The following DDX10 variants were observed in gnomAD, a reference collection of about 807,000 sequenced individuals.
DDX10 encodes the protein probable ATP-dependent RNA helicase DDX10.
A neutral mutation model predicts 104.3 loss-of-function variants in DDX10; 74 were observed. That is an observed-to-expected ratio of 0.71 (90% CI 0.59 to 0.86). DDX10 has a LOEUF of 0.86. Ranked by LOEUF, DDX10 falls within the 40% of genes least tolerant of loss-of-function variation. The pLI is 0.00. For missense variants in DDX10, 952 were observed against 1,040.0 expected, an observed-to-expected ratio of 0.92 and a Z score of 1.16; for synonymous variants, 351 against 353.4, an observed-to-expected ratio of 0.99 and a Z score of 0.08.
chr11:108,694,055 C>G (rs1228005513), intron 9 of DDX10, among the ~76,000 whole-genome samples: 1 of 152,116 alleles, frequency 6.6e-6, no homozygotes, highest in African/African-American at 2.4e-5. Context: ...ATATGCTGGA[C>G]AAAGGGATGA....
At chr11:108,669,570 GA>G (rs1238162648) in intron 1 of DDX10, among the ~76,000 whole-genome samples, 9 of 152,232 alleles carry the variant, frequency 5.9e-5, no homozygotes, top group Non-Finnish European at 1.2e-4. Flanking sequence ...GGTTCGAGAA[GA>G]AGGTTGGACT....
At chr11:108,839,756 G>A (rs12574721) in intron 14 of DDX10, among the ~76,000 whole-genome samples, 18,865 of 152,160 alleles carry the variant, frequency 0.12, 1,388 homozygotes, top group East Asian at 0.25. Context: ...GTATCTAAAT[G>A]ACAGATAATG....
At chr11:108,881,903 A>T in intron 16 of DDX10, among the ~76,000 whole-genome samples, 1 of 152,172 alleles carries the variant, frequency 6.6e-6, no homozygotes, top group Admixed American at 6.5e-5. Context: ...TAATTTAATT[A>T]AAAAAATTTT....
intron 16 of DDX10, among the ~76,000 whole-genome samples, chr11:108,917,062 ATTG>A (rs1486473114): frequency 1.3e-5 from 2 of 151,542 alleles, no homozygotes; most frequent in African/African-American, 2.4e-5. Context: ...AGATCTGATT[ATTG>A]TTGTTGTTTC....
chr11:108,722,940 C>T, intron 12 of DDX10, 57 bp from the exon 13 acceptor site: 6 of 1,519,510 alleles, frequency 3.9e-6, no homozygotes, highest in East Asian at 2.3e-5. Context: ...TTCTATGACA[C>T]CTATAAACAT....
intron 16 of DDX10, among the ~76,000 whole-genome samples, chr11:108,886,457 TGAAAA>T (rs1192293593): frequency 6.6e-6 from 1 of 152,218 alleles, no homozygotes; most frequent in Non-Finnish European, 1.5e-5. Context: ...CAGTGGCCTG[TGAAAA>T]TTCATTCTTC....
chr11:108,812,273 A>G (rs574040042), intron 13 of DDX10, among the ~76,000 whole-genome samples: 1 of 152,336 alleles, frequency 6.6e-6, no homozygotes, highest in African/African-American at 2.4e-5. Flanking sequence ...GAATACACTG[A>G]ATACTATGCC....
intron 15 of DDX10, among the ~76,000 whole-genome samples, chr11:108,849,398 A>G (rs200542860): frequency 6.6e-6 from 1 of 152,042 alleles, no homozygotes; most frequent in Non-Finnish European, 1.5e-5. Context: ...CTTATTTTCA[A>G]ATTACAAATT....
At chr11:108,689,090 A>G (rs553516531) in intron 7 of DDX10, 28 bp downstream of exon 7, 18 of 1,611,218 alleles carry the variant, frequency 1.1e-5, no homozygotes, top group Middle Eastern at 1.7e-4. Context: ...TGCTTTCTGA[A>G]CGTATGTTGA....
At chr11:108,712,949 G>C (rs1178358189) in intron 10 of DDX10, among the ~76,000 whole-genome samples, 2 of 151,966 alleles carry the variant, frequency 1.3e-5, no homozygotes, top group African/African-American at 4.8e-5. Context: ...AGAGTTCCAG[G>C]CTGGTGGTTT....
At chr11:108,926,623 G>C (rs1259209680) in intron 17 of DDX10, among the ~76,000 whole-genome samples, 1 of 152,158 alleles carries the variant, frequency 6.6e-6, no homozygotes, top group East Asian at 1.9e-4. Context: ...AGACATTAAG[G>C]ACATGATACA....
chr11:108,709,408 A>G (rs1445984865), intron 10 of DDX10, among the ~76,000 whole-genome samples: 1 of 152,218 alleles, frequency 6.6e-6, no homozygotes, highest in East Asian at 1.9e-4. Context: ...GGGCGAGCCC[A>G]TCCGGGCTTG....
intron 16 of DDX10, among the ~76,000 whole-genome samples, chr11:108,912,580 C>T (rs920106275): frequency 1.3e-5 from 2 of 152,162 alleles, no homozygotes; most frequent in Non-Finnish European, 2.9e-5. Context: ...CAGTGAGTTT[C>T]CAGCCATGGT....
intron 16 of DDX10, among the ~76,000 whole-genome samples, chr11:108,907,187 A>AG (rs143585494): frequency 0.13 from 19,186 of 152,120 alleles, 1,417 homozygotes; most frequent in East Asian, 0.25. Context: ...TGGAATGATG[A>AG]GGAAAAAAAT....
chr11:108,811,876 G>T (rs1862186636), intron 13 of DDX10, among the ~76,000 whole-genome samples: 1 of 103,476 alleles, frequency 9.7e-6, no homozygotes, highest in African/African-American at 2.8e-5. Context: ...CAGGAAAGGG[G>T]AATTAATTAT....
At chr11:108,805,791 T>G (rs1367942488) in intron 13 of DDX10, among the ~76,000 whole-genome samples, 2 of 152,160 alleles carry the variant, frequency 1.3e-5, no homozygotes, top group African/African-American at 4.8e-5. Flanking sequence ...TGCTTTAATT[T>G]TAAAGATTTC....
intron 16 of DDX10, among the ~76,000 whole-genome samples, chr11:108,889,561 T>G (rs1198892006): frequency 1.3e-5 from 2 of 152,194 alleles, no homozygotes; most frequent in Non-Finnish European, 2.9e-5. Flanking sequence ...AACAAAATAT[T>G]ACTGAAAAAA....
chr11:108,803,278 G>A (rs1862049719), intron 13 of DDX10, among the ~76,000 whole-genome samples: 2 of 142,270 alleles, frequency 1.4e-5, no homozygotes, highest in South Asian at 4.5e-4. Context: ...TTTTTTTAAA[G>A]AACCTTGGAA....
chr11:108,926,413 G>T (rs1863909640), intron 17 of DDX10, among the ~76,000 whole-genome samples: 1 of 152,142 alleles, frequency 6.6e-6, no homozygotes, highest in South Asian at 2.1e-4. Flanking sequence ...GTGAAGTAGT[G>T]GTATGATGTG....
Sources: gnomAD v4.1 joint callset for allele counts (sites outside exome capture counted in the v4.1 genomes callset) on GRCh38, gnomAD v4.1.1 for gene constraint, MANE v1.5 for transcripts, NCBI Gene and HGNC (gene_info 2026-07-23, HGNC 2026-07-21) for gene names.